The following ZFP36L1 variants were observed in gnomAD, a reference collection of about 807,000 sequenced individuals.
ZFP36L1 encodes ZFP36 like 1 zinc finger CCCH-type.
In ZFP36L1, 4 loss-of-function variants were observed where a neutral mutation model predicts 16.7. The observed-to-expected ratio is 0.24, with a 90% CI of 0.12 to 0.55. ZFP36L1 has a LOEUF of 0.55. Among genes scored for constraint, ZFP36L1 ranks in the 20% least tolerant of loss-of-function variants. The pLI is 0.94. For synonymous variants in ZFP36L1, 220 were observed against 190.8 expected (o/e 1.15, Z -1.26); for missense variants, 311 against 449.2 (o/e 0.69, Z 2.78).
At position 68,790,407 on chromosome 14, in the gene ZFP36L1, C is replaced by T. The variant is rs1321749603; in HGVS notation, c.143G>A (p.Gly48Asp). The change falls in exon 2 of 2, where the codon GGC (glycine) becomes GAC (aspartate). Residue 48 changes from glycine to aspartate, a missense_variant. Around this residue, in one of 4 missense-constraint regions of ZFP36L1, gnomAD observed 137 missense variants for 142.6 expected, o/e 0.96. Transcript: ENST00000439696. Reference sequence around the variant, plus strand: ...GGTGACTGAGTGCCTCCGAGGGAAGCCCCCACCAGCAGGGGTGCCCACTGC... The same window carrying T: ...GGTGACTGAGTGCCTCCGAGGGAAGTCCCCACCAGCAGGGGTGCCCACTGC... ...RKAVGTPAGG[G>D]FPRRHSVTLP... is the part of the protein sequence containing the mutation. 1 of 1,613,872 alleles carries T rather than the reference C, an allele frequency of 6.2e-7. No individual in the cohort carries two copies. The highest frequency in any genetic ancestry group is 1.7e-5 in the Admixed American group (1 of 59,998).
Position 68,789,432 on chromosome 14 carries a change from T to C in ZFP36L1, c.*101A>G. On this transcript the variant is annotated 3_prime_UTR_variant, in exon 2 of 2. Transcript: ENST00000439696. The surrounding 1 kb of genome is among the most constrained non-coding windows in gnomAD (Gnocchi z 4.5). ...AAGGGGTTGAGCTTAACCTTGTTAA[T>C]GTAGGGCCTGTGGGGAATGGGATGG... 1 of 1,548,250 alleles carries C rather than the reference T, an allele frequency of 6.5e-7. No individual in the cohort carries two copies. The highest frequency in any genetic ancestry group is 8.8e-7 in the Non-Finnish European group (1 of 1,138,192).
upstream of ZFP36L1, chr14:68,795,782 C>T (rs747296434): frequency 9.4e-6 from 5 of 534,358 alleles, no homozygotes; most frequent in African/African-American, 1.9e-5. Context: ...TTTAAATTGT[C>T]GGGTTGAAAC....
At chr14:68,793,454 G>T (rs1352595669), upstream of ZFP36L1, 1 of 992,582 alleles carries the variant, frequency 1.0e-6, no homozygotes, top group African/African-American at 1.7e-5. Flanking sequence ...GCCTCAGAGC[G>T]CGGCTGTGAC....
At chr14:68,793,467 C>T (rs1895166326), upstream of ZFP36L1, 1 of 989,192 alleles carries the variant, frequency 1.0e-6, no homozygotes, top group Non-Finnish European at 1.2e-6. Flanking sequence ...GCTGTGACGT[C>T]ACTCATTCCA....
chr14:68,790,025 G>A lies in ZFP36L1; in HGVS notation c.525C>T (p.Phe175=), dbSNP rs1196503120. ...CACGGCGCTCTTCAGCGTTGTGGAT[G>A]AAGTGGCAGCGGGGCCCGTAGGGGC... is the stretch of plus-strand genomic sequence containing the variant. ...GFCPYGPRCH[F]IHNAEERRAL... Residue 175 remains phenylalanine, a synonymous_variant, in exon 2 of 2, where the codon TTC becomes TTT. Transcript: ENST00000439696. 1.2e-6 allele frequency: 2 copies of A among 1,609,818 alleles called. No individual in the cohort carries two copies. Among genetic ancestry groups the A allele is most frequent in the African/African-American group, 2.7e-5 (2 of 74,708 alleles).
At chr14:68,793,571 G>A (rs1414735504), upstream of ZFP36L1, 1 of 985,948 alleles carries the variant, frequency 1.0e-6, no homozygotes, top group East Asian at 1.1e-4. Context: ...GCTGAAGCCC[G>A]TCCTTAGCGC....
At chr14:68,793,741 C>T (rs1326234443), upstream of ZFP36L1, 6 of 985,392 alleles carry the variant, frequency 6.1e-6, no homozygotes, top group African/African-American at 8.7e-5. Flanking sequence ...AATGTTCAAG[C>T]CTAGGATTTT....
upstream of ZFP36L1, chr14:68,793,914 C>T: frequency 1.4e-6 from 1 of 726,900 alleles, no homozygotes; most frequent in African/African-American, 1.9e-5. Context: ...CCGGCGCTCT[C>T]CGGGTGTGGG....
upstream of ZFP36L1, chr14:68,793,270 G>A: frequency 9.6e-7 from 1 of 1,044,626 alleles, no homozygotes; most frequent in Non-Finnish European, 1.2e-6. Context: ...GAGGGGAGAC[G>A]AGAAAAGAAG....
At chr14:68,791,599 A>G (rs796488139) in intron 1 of ZFP36L1, among the ~76,000 whole-genome samples, 20 of 151,736 alleles carry the variant, frequency 1.3e-4, no homozygotes, top group African/African-American at 4.8e-4. Flanking sequence ...CGAGAGGATT[A>G]CAGGAACCCA....
In ZFP36L1 at chr14:68,789,210, G is replaced by A. The variant is rs1894996873; in HGVS notation, c.*323C>T. 6.5e-6 allele frequency: 2 copies of A among 309,206 alleles called. No homozygotes were observed. The highest frequency in any genetic ancestry group is 1.3e-4 in the South Asian group (2 of 15,850). The allele number at this position is 309,206 out of a possible 1,614,324, so 19.2% of individuals were successfully genotyped here. A position where few individuals can be genotyped will look rare whatever the true frequency, so the allele number is the denominator to read the frequency against. On this transcript the variant is annotated 3_prime_UTR_variant, in exon 2 of 2. Coordinates refer to ENST00000439696, the MANE Select transcript of ZFP36L1 (RefSeq NM_004926.4). This position sits in a 1 kb window ranked among gnomAD's most constrained non-coding sequence, Gnocchi z 4.5. ...TTACTGCTTTTTCTCTTGTGATTTGGCACTTAAGGCTTAAGCCGGAAAAAA... is the reference window on the plus strand; with the variant it reads ...TTACTGCTTTTTCTCTTGTGATTTGACACTTAAGGCTTAAGCCGGAAAAAA...
chr14:68,789,985 G>C lies in ZFP36L1; in HGVS notation c.565C>G (p.Arg189Gly). Residue 189 changes from arginine to glycine, a missense_variant, in exon 2 of 2, where the codon CGG (arginine) becomes GGG (glycine). This residue lies in a region of ZFP36L1 where 147 missense variants were observed against 192.0 expected (regional missense o/e 0.77). Coordinates refer to ENST00000439696, the MANE Select transcript of ZFP36L1 (RefSeq NM_004926.4). This position sits in a 1 kb window ranked among gnomAD's most constrained non-coding sequence, Gnocchi z 4.5. ...AEERRALAGARDLSADRPRLQ... is the reference protein window; with the variant it reads ...AEERRALAGAGDLSADRPRLQ... ...CGGGGACGGTCAGCGGAGAGGTCCC[G>C]GGCCCCGGCCAGGGCACGGCGCTCT... 2 of 1,606,048 alleles carry C rather than the reference G, an allele frequency of 1.2e-6. No homozygotes were observed. The highest frequency in any genetic ancestry group is 1.7e-6 in the Non-Finnish European group (2 of 1,176,668).
At position 68,789,527 on chromosome 14, in the gene ZFP36L1, C is replaced by T. The variant is rs774460104; in HGVS notation, c.*6G>A. 6.2e-7 allele frequency: 1 copy of T among 1,613,060 alleles called. No homozygotes were observed. Among genetic ancestry groups the T allele is most frequent in the Non-Finnish European group, 8.5e-7 (1 of 1,179,970 alleles). Reference sequence around the variant, plus strand: ...GAGTAGGCAGGAGGTCCCTCCCTACCCTGGCTTAGTCATCTGAGATGGAAA... The same window carrying T: ...GAGTAGGCAGGAGGTCCCTCCCTACTCTGGCTTAGTCATCTGAGATGGAAA... On this transcript the variant is annotated 3_prime_UTR_variant, in exon 2 of 2. Transcript: ENST00000439696. This position sits in a 1 kb window ranked among gnomAD's most constrained non-coding sequence, Gnocchi z 4.5.
upstream of ZFP36L1, among the ~76,000 whole-genome samples, chr14:68,795,071 T>C (rs1895211831): frequency 1.3e-5 from 2 of 152,228 alleles, no homozygotes; most frequent in African/African-American, 2.4e-5. Context: ...TCCATCCACC[T>C]TAATTTAAAT....
upstream of ZFP36L1, chr14:68,793,784 G>A (rs1895176182): frequency 1.0e-6 from 1 of 985,112 alleles, no homozygotes; most frequent in African/African-American, 1.7e-5. Context: ...GGGGCGTAGG[G>A]TGGGGCGCGC....
upstream of ZFP36L1, chr14:68,793,222 CA>C (rs1184011133): frequency 2.0e-6 from 2 of 994,078 alleles, no homozygotes; most frequent in African/African-American, 3.0e-5. Context: ...GGAGGGGGGG[CA>C]GGGGGAGGAG....
At chr14:68,795,838 G>A (rs907165738), upstream of ZFP36L1, 2 of 542,432 alleles carry the variant, frequency 3.7e-6, no homozygotes, top group Non-Finnish European at 7.5e-6. Flanking sequence ...AGAGGAGGGA[G>A]CGAGTCCCTT....
intron 1 of ZFP36L1, 61 bp downstream of exon 1, chr14:68,792,821 G>GA (rs397970746): frequency 3.1e-6 from 5 of 1,609,884 alleles, no homozygotes; most frequent in Admixed American, 3.3e-5. Flanking sequence ...ACTTTTGGGG[G>GA]TTCTTTCTTA....
Position 68,788,112 on chromosome 14 carries a change from AT to A in ZFP36L1, c.*1420del, listed in dbSNP as rs950116961. On this transcript the variant is annotated 3_prime_UTR_variant, in exon 2 of 2. Transcript: ENST00000439696. The stretch of plus-strand genomic sequence containing the variant: ...AATAAATAATCCAACAGTTTTTTGC[AT>A]TTTTTTAAATTAATTTTTCATTTTT... 2 of 152,138 alleles carry A rather than the reference AT, an allele frequency of 1.3e-5. No homozygotes were observed. The highest frequency in any genetic ancestry group is 2.9e-5 in the Non-Finnish European group (2 of 68,008). 9.4% of individuals were successfully genotyped at this position (152,138 alleles called of 1,614,324 possible). A position where few individuals can be genotyped will look rare whatever the true frequency, so the allele number is the denominator to read the frequency against.
Sources: allele counts gnomAD v4.1 joint callset (sites outside exome capture counted in the v4.1 genomes callset), GRCh38; gene constraint gnomAD v4.1.1; regional missense constraint gnomAD v4.1.1; non-coding constraint Gnocchi (gnomAD v3.1); transcripts MANE v1.5; gene names NCBI Gene and HGNC (gene_info 2026-07-23, HGNC 2026-07-21).